G3BP1: variants seen among roughly 807,000 people sequenced by gnomAD.
G3BP1 encodes G3BP stress granule assembly factor 1.
A neutral mutation model predicts 58.6 loss-of-function variants in G3BP1; 35 were observed. That is an observed-to-expected ratio of 0.60 (90% CI 0.46 to 0.79). The LOEUF (loss-of-function observed/expected upper bound fraction) is 0.79. G3BP1 is among the 30% of genes least tolerant of loss of function. The probability of loss-of-function intolerance (pLI) is 0.00; values close to 1 mark genes in which losing one functional copy is unlikely to be tolerated. For synonymous variants in G3BP1, 191 were observed against 195.4 expected (o/e 0.98, Z 0.19); for missense variants, 523 against 580.8 (o/e 0.90, Z 1.02).
Position 151,799,944 on chromosome 5 carries a change from A to G in G3BP1, c.899A>G (p.Asp300Gly). The G allele has an allele frequency of 6.2e-7, 1 of 1,613,800 alleles. No individual in the cohort carries two copies. The highest frequency in any genetic ancestry group is 8.5e-7 in the Non-Finnish European group (1 of 1,179,672). ...ATTCCACCACAAAGACCTCAGCGGG[A>G]TCAAAGAGTGCGAGAACAACGAATA... ...SQIPPQRPQR[D>G]QRVREQRINI... The change falls in exon 9 of 12, where the codon GAT (aspartate) becomes GGT (glycine). Residue 300 changes from aspartate to glycine, a missense_variant. Asp to Gly is a moderately conservative substitution (Grantham distance 94). This residue lies in a region of G3BP1 where 398 missense variants were observed against 399.1 expected (regional missense o/e 1.00). Coordinates refer to ENST00000356245, the MANE Select transcript of G3BP1 (RefSeq NM_005754.3).
chr5:151,778,330 G>A lies in G3BP1; in HGVS notation c.-50+6294G>A, dbSNP rs1178603015. Among the ~76,000 whole-genome samples, 4 of 152,038 alleles carry A rather than the reference G, an allele frequency of 2.6e-5. No individual in the cohort carries two copies. In the East Asian group the frequency reaches 7.7e-4, roughly 29 times the overall value. ...AGTGGTACCTCACAGGTTTTAATTT[G>A]CATTTCTGTAATTGCTAGTGATCAG... On this transcript the variant is annotated intron_variant, in intron 1 of 11. Transcript: ENST00000356245.
At chr5:151,790,784 T>G (rs1218503275) in intron 3 of G3BP1, 105 bp from the exon 4 acceptor site, 2 of 666,110 alleles carry the variant, frequency 3.0e-6, no homozygotes, top group Non-Finnish European at 5.1e-6. Flanking sequence ...AATTTAAATA[T>G]ACACATTCTC....
intron 4 of G3BP1, chr5:151,792,029 G>C: frequency 2.2e-6 from 1 of 445,646 alleles, no homozygotes; most frequent in Non-Finnish European, 4.5e-6. Context: ...AACACTTATG[G>C]CAAAATATTT....
intron 2 of G3BP1, 114 bp downstream of exon 2, chr5:151,786,829 T>C (rs193290615): frequency 1.5e-4 from 105 of 689,360 alleles, no homozygotes; most frequent in African/African-American, 1.5e-3. Context: ...ATAATACTTA[T>C]TTACATATAA....
chr5:151,793,858 A>G (rs1233003657), intron 4 of G3BP1, among the ~76,000 whole-genome samples: 1 of 151,008 alleles, frequency 6.6e-6, no homozygotes, highest in African/African-American at 2.4e-5. Context: ...AAAAGAAAAA[A>G]GAGAAATTAG....
chr5:151,791,782 G>C, intron 4 of G3BP1: 1 of 198,454 alleles, frequency 5.0e-6, no homozygotes, highest in South Asian at 7.5e-5. Context: ...TCAGCCTCCC[G>C]AGTAGCTGGG....
chr5:151,796,391 C>G (rs1762750012), intron 6 of G3BP1, among the ~76,000 whole-genome samples: 1 of 152,150 alleles, frequency 6.6e-6, no homozygotes, highest in South Asian at 2.1e-4. Context: ...GCCTCAGCCT[C>G]CTGAGTAGCT....
At chr5:151,795,641 G>C (rs10059511) in intron 6 of G3BP1, 66 bp downstream of exon 6, 117,538 of 730,598 alleles carry the variant, frequency 0.16, 10,885 homozygotes, top group African/African-American at 0.32. Flanking sequence ...CTTTCCCTTT[G>C]TTGGAGGGCA....
intron 11 of G3BP1, among the ~76,000 whole-genome samples, chr5:151,802,569 C>T (rs542644450): frequency 1.3e-5 from 2 of 152,326 alleles, no homozygotes; most frequent in East Asian, 1.9e-4. Flanking sequence ...ACCTCCCCGG[C>T]CCTTAGTTTG....
chr5:151,773,630 A>G (rs1762316736), intron 1 of G3BP1, among the ~76,000 whole-genome samples: 2 of 152,206 alleles, frequency 1.3e-5, no homozygotes, highest in Non-Finnish European at 2.9e-5. Context: ...AAACATAAAG[A>G]TTTCTATAAT....
intron 11 of G3BP1, among the ~76,000 whole-genome samples, chr5:151,801,135 A>G (rs1034386647): frequency 1.2e-3 from 176 of 152,314 alleles, no homozygotes; most frequent in African/African-American, 4.0e-3. Flanking sequence ...AGATTTACGT[A>G]ACTACCTTTC....
intron 2 of G3BP1, among the ~76,000 whole-genome samples, chr5:151,789,619 G>A (rs1263337132): frequency 6.6e-6 from 1 of 152,182 alleles, no homozygotes; most frequent in Non-Finnish European, 1.5e-5. Context: ...AACCGCTCAC[G>A]CTTATTCTCA....
intron 7 of G3BP1, among the ~76,000 whole-genome samples, chr5:151,798,465 G>A (rs892447115): frequency 1.3e-5 from 2 of 152,316 alleles, no homozygotes; most frequent in Middle Eastern, 3.4e-3. Context: ...TAGAGTTGTG[G>A]CAGTGGAAAT....
At chr5:151,780,044 A>G (rs1443264766) in intron 1 of G3BP1, among the ~76,000 whole-genome samples, 2 of 152,194 alleles carry the variant, frequency 1.3e-5, no homozygotes, top group African/African-American at 4.8e-5. Context: ...CTGTGGTTGT[A>G]CCAGTTGAGA....
chr5:151,789,818 A>G (rs2113232731), intron 2 of G3BP1, among the ~76,000 whole-genome samples: 1 of 152,242 alleles, frequency 6.6e-6, no homozygotes, highest in South Asian at 2.1e-4. Flanking sequence ...CCATTCAGCA[A>G]ATGTTGATCA....
intron 11 of G3BP1, among the ~76,000 whole-genome samples, chr5:151,803,206 CATAA>C (rs1762884339): frequency 6.6e-6 from 1 of 152,190 alleles, no homozygotes; most frequent in African/African-American, 2.4e-5. Flanking sequence ...ATGTACTTTG[CATAA>C]ATATGTACAG....
Position 151,794,176 on chromosome 5 carries a change from A to G in G3BP1, c.369A>G (p.Lys123=), listed in dbSNP as rs554178778. Reference sequence around the variant, plus strand: ...CATTGCAGGGGTCTGTTGCAAATAAATTCTATGTTCACAATGATATCTTCA... The same window carrying G: ...CATTGCAGGGGTCTGTTGCAAATAAGTTCTATGTTCACAATGATATCTTCA... The part of the protein sequence containing the change: ...VLAPEGSVAN[K]FYVHNDIFRY... The change falls in exon 5 of 12, where the codon AAA becomes AAG. Residue 123 remains lysine, a synonymous_variant. Coordinates refer to ENST00000356245, the MANE Select transcript of G3BP1 (RefSeq NM_005754.3). 6.2e-6 allele frequency: 10 copies of G among 1,608,508 alleles called. No individual in the cohort carries two copies. The highest frequency in any genetic ancestry group is 1.7e-4 in the Middle Eastern group (1 of 5,826).
intron 7 of G3BP1, 49 bp downstream of exon 7, chr5:151,797,477 AAAAAAG>A (rs754302303): frequency 6.5e-6 from 10 of 1,546,096 alleles, no homozygotes; most frequent in Non-Finnish European, 8.7e-6. Context: ...ATTTTTTTTA[AAAAAAG>A]TTTCTGTTCT....
In G3BP1 at chr5:151,797,254, G is replaced by C. The variant is rs1289118958; in HGVS notation, c.567G>C (p.Glu189Asp). Residue 189 changes from glutamate (E) to aspartate (D), a missense_variant, in exon 7 of 12, where the codon GAG (glutamate) becomes GAC (aspartate). Glu to Asp is a conservative substitution (Grantham distance 45, BLOSUM62 2). This residue lies in a region of G3BP1 where 398 missense variants were observed against 399.1 expected (regional missense o/e 1.00). Coordinates refer to ENST00000356245, the MANE Select transcript of G3BP1 (RefSeq NM_005754.3). Reference sequence around the variant, plus strand: ...ATGACATGGAAGAACATTTAGAGGAGCCTGTTGCTGAACCAGAGCCTGATC... The same window carrying C: ...ATGACATGGAAGAACATTTAGAGGACCCTGTTGCTGAACCAGAGCCTGATC... ...VSNDMEEHLE[E>D]PVAEPEPDPE... The C allele has an allele frequency of 6.2e-7, 1 of 1,613,130 alleles. No homozygotes were observed. The highest frequency in any genetic ancestry group is 1.3e-5 in the African/African-American group (1 of 74,998).
Sources: allele counts gnomAD v4.1 joint callset (sites outside exome capture counted in the v4.1 genomes callset), GRCh38; gene constraint gnomAD v4.1.1; regional missense constraint gnomAD v4.1.1; transcripts MANE v1.5; gene names NCBI Gene and HGNC (gene_info 2026-07-23, HGNC 2026-07-21).